AIMP1: variants seen among roughly 807,000 people sequenced by gnomAD.
AIMP1 encodes aminoacyl tRNA synthetase complex interacting multifunctional protein 1, also known as aminoacyl tRNA synthase complex-interacting multifunctional protein 1.
Under a neutral mutation model 33.1 loss-of-function variants are expected in AIMP1, and 24 were observed. The observed-to-expected ratio is 0.73, with a 90% confidence interval of 0.53 to 1.02. The LOEUF (loss-of-function observed/expected upper bound fraction) is 1.02. AIMP1 is among the 50% of genes least tolerant of loss of function. The pLI is 0.00. For synonymous variants in AIMP1, 120 were observed against 121.5 expected, an observed-to-expected ratio of 0.99 and a Z score of 0.08; for missense variants, 367 against 364.8, an observed-to-expected ratio of 1.01 and a Z score of -0.05.
chr4:106,340,097 A>G (rs1770038458), intron 6 of AIMP1, among the ~76,000 whole-genome samples: 1 of 152,202 alleles, frequency 6.6e-6, no homozygotes, highest in South Asian at 2.1e-4. Context: ...TTAGAAATTA[A>G]GACTGCATTT....
rs1160864144 is a variant in AIMP1, at chr4:106,348,947, G to A, written c.*1255G>A. On this transcript the variant is annotated 3_prime_UTR_variant, in exon 7 of 7. Coordinates refer to ENST00000672341, the MANE Select transcript of AIMP1 (RefSeq NM_001142416.2). ...TATAGCTGTCTGAATCCTTCAATAAGAAGGAGAGGCACACACAAATACACA... is the reference window on the plus strand; with the variant it reads ...TATAGCTGTCTGAATCCTTCAATAAAAAGGAGAGGCACACACAAATACACA... 1 of 151,968 alleles carries A rather than the reference G, an allele frequency of 6.6e-6. No homozygotes were observed. The highest frequency in any genetic ancestry group is 1.5e-5 in the Non-Finnish European group (1 of 67,990). 9.4% of individuals were successfully genotyped at this position (151,968 alleles called of 1,614,324 possible).
intron 6 of AIMP1, among the ~76,000 whole-genome samples, chr4:106,346,828 T>G (rs1200003589): frequency 6.6e-6 from 1 of 152,166 alleles, no homozygotes; most frequent in East Asian, 1.9e-4. Flanking sequence ...ATGAGTATAT[T>G]AATCCATTCA....
At position 106,336,933 on chromosome 4, in the gene AIMP1, C is replaced by T. The variant is rs1451640292; in HGVS notation, c.668C>T (p.Ser223Phe). Residue 223 changes from serine (S) to phenylalanine (F), a missense_variant, in exon 6 of 7, where the codon TCT becomes TTT. By Grantham distance (155) the Ser-to-Phe change is radical. Coordinates refer to ENST00000672341, the MANE Select transcript of AIMP1 (RefSeq NM_001142416.2). ...LKPAKMRGVL[S>F]QAMVMCASSP... is the part of the protein sequence containing the mutation. ...CCTGCAAAGATGAGGGGAGTATTAT[C>T]TCAAGCAATGGTCATGTGTGCTAGT... is the stretch of plus-strand genomic sequence containing the variant. 1 of 1,614,032 alleles carries T rather than the reference C, an allele frequency of 6.2e-7. No homozygotes were observed. The highest frequency in any genetic ancestry group is 8.5e-7 in the Non-Finnish European group (1 of 1,179,958).
intron 1 of AIMP1, among the ~76,000 whole-genome samples, chr4:106,321,780 G>C (rs1769264252): frequency 6.6e-6 from 1 of 152,264 alleles, no homozygotes; most frequent in Non-Finnish European, 1.5e-5. Context: ...GGAAAAGAAA[G>C]AGAGATCAGA....
intron 2 of AIMP1, among the ~76,000 whole-genome samples, chr4:106,326,657 G>A (rs907629134): frequency 3.9e-5 from 6 of 152,068 alleles, no homozygotes; most frequent in African/African-American, 1.2e-4. Context: ...TAAAAAGAAA[G>A]ACATGAGAAT....
chr4:106,336,320 G>A (rs560994632), intron 5 of AIMP1, among the ~76,000 whole-genome samples: 1 of 150,722 alleles, frequency 6.6e-6, no homozygotes, highest in African/African-American at 2.4e-5. Flanking sequence ...GGGATTATAG[G>A]TGTGAGCCAC....
intron 4 of AIMP1, among the ~76,000 whole-genome samples, chr4:106,331,109 T>A (rs1264199501): frequency 1.3e-5 from 2 of 152,122 alleles, no homozygotes; most frequent in African/African-American, 4.8e-5. Flanking sequence ...TGTATATAAG[T>A]GAGGAGGAAA....
chr4:106,331,534 A>C (rs1443554383), intron 4 of AIMP1, 138 bp from the exon 5 acceptor site: 7 of 705,862 alleles, frequency 9.9e-6, no homozygotes, highest in Non-Finnish European at 1.7e-5. Flanking sequence ...CTTTGTTATT[A>C]TTTAAGTGAA....
rs1260487787 is a variant in AIMP1, at chr4:106,340,588, CA to C, written c.772+3552del. ...TTGGGTTACTTAGGACAATGGCTTC[CA>C]GCTGCATCCATTTTGCTGCAAAGGA... On this transcript the variant is annotated intron_variant, in intron 6 of 6. Coordinates refer to ENST00000672341, the MANE Select transcript of AIMP1 (RefSeq NM_001142416.2). 7.2e-5 allele frequency among the ~76,000 whole-genome samples: 11 copies of C among 152,280 alleles called. No individual in the cohort carries two copies. In the South Asian group the frequency reaches 2.1e-3, roughly 29 times the overall value.
At chr4:106,346,361 A>T (rs1241116331) in intron 6 of AIMP1, among the ~76,000 whole-genome samples, 1 of 152,082 alleles carries the variant, frequency 6.6e-6, no homozygotes, top group Non-Finnish European at 1.5e-5. Context: ...TTACTTTCTA[A>T]AGTATGGTTT....
intron 4 of AIMP1, among the ~76,000 whole-genome samples, chr4:106,328,829 T>C (rs1016820178): frequency 1.3e-5 from 2 of 152,170 alleles, no homozygotes; most frequent in Non-Finnish European, 2.9e-5. Context: ...CCAGCTCTGC[T>C]CTTTCTTTTC....
chr4:106,316,523 A>G (rs1355413722), upstream of AIMP1: 10 of 1,551,452 alleles, frequency 6.4e-6, no homozygotes, highest in East Asian at 2.4e-5. Flanking sequence ...TCTCACTGCT[A>G]TAGTACGCGG....
chr4:106,321,591 C>G (rs9995260), intron 1 of AIMP1: 11,080 of 153,844 alleles, frequency 0.072, 439 homozygotes, highest in Non-Finnish European at 0.082. Context: ...GGGCAGCCCC[C>G]GCCCGGCCGG....
chr4:106,347,516 T>C lies in AIMP1; in HGVS notation c.773-10T>C. 6.2e-7 allele frequency: 1 copy of C among 1,609,852 alleles called. No individual in the cohort carries two copies. Among genetic ancestry groups the C allele is most frequent in the Non-Finnish European group, 8.5e-7 (1 of 1,178,064 alleles). On this transcript the variant is annotated splice_polypyrimidine_tract_variant and intron_variant, in intron 6 of 6. Transcript: ENST00000672341. ...GTGTAATTTTCTTGTGCTTTTTTTC[T>C]CCTACACAGGAGAGCCTGACAAGGA...
chr4:106,347,627 C>G lies in AIMP1; in HGVS notation c.874C>G (p.Pro292Ala). The change falls in exon 7 of 7, where the codon CCC becomes GCC. Residue 292 changes from proline (P) to alanine (A), a missense_variant. Pro to Ala is a conservative substitution (Grantham distance 27). Coordinates refer to ENST00000672341, the MANE Select transcript of AIMP1 (RefSeq NM_001142416.2). The part of the protein sequence containing the change: ...DECVATYKGV[P>A]FEVKGKGVCR... ...GTGTGTGGCTACATACAAAGGAGTTCCCTTTGAGGTGAAAGGGAAGGGAGT... is the reference window on the plus strand; with the variant it reads ...GTGTGTGGCTACATACAAAGGAGTTGCCTTTGAGGTGAAAGGGAAGGGAGT... 1 of 1,613,220 alleles carries G rather than the reference C, an allele frequency of 6.2e-7. No homozygotes were observed. The highest frequency in any genetic ancestry group is 8.5e-7 in the Non-Finnish European group (1 of 1,179,572).
chr4:106,337,670 G>A (rs576749367), intron 6 of AIMP1, among the ~76,000 whole-genome samples: 34 of 152,316 alleles, frequency 2.2e-4, no homozygotes, highest in African/African-American at 5.5e-4. Context: ...AAAGATATCC[G>A]AAAGTGTGGA....
intron 6 of AIMP1, among the ~76,000 whole-genome samples, chr4:106,341,133 T>C (rs1420805801): frequency 6.6e-6 from 1 of 152,232 alleles, no homozygotes; most frequent in Non-Finnish European, 1.5e-5. Context: ...TTAAGTTCCT[T>C]ATGGATTCTA....
At chr4:106,315,919 C>T (rs954139432), upstream of AIMP1, 3 of 153,046 alleles carry the variant, frequency 2.0e-5, no homozygotes, top group Non-Finnish European at 4.4e-5. Flanking sequence ...ACTGGATTAC[C>T]CAAATACCTG....
chr4:106,332,070 C>A (rs1417887846), intron 5 of AIMP1, among the ~76,000 whole-genome samples, 187 bp downstream of exon 5: 2 of 151,970 alleles, frequency 1.3e-5, no homozygotes, highest in East Asian at 3.9e-4. Flanking sequence ...TGTAAAACAT[C>A]TGTAAATTAA....
Sources: gnomAD v4.1 joint callset for allele counts (sites outside exome capture counted in the v4.1 genomes callset) on GRCh38, gnomAD v4.1.1 for gene constraint, MANE v1.5 for transcripts, NCBI Gene and HGNC (gene_info 2026-07-23, HGNC 2026-07-21) for gene names.